ABCA13: variants seen among roughly 807,000 people sequenced by gnomAD.
ABCA13 encodes the protein ATP binding cassette subfamily A member 13.
ABCA13 carries 476 observed loss-of-function variants against 478.7 expected under a neutral mutation model. The observed-to-expected ratio is 0.99, with a 90% confidence interval of 0.92 to 1.07. The LOEUF (loss-of-function observed/expected upper bound fraction) is 1.07, where lower values mean the gene tolerates loss of function less well. Among genes scored for constraint, ABCA13 ranks in the 50% least tolerant of loss-of-function variants. ABCA13 has a pLI of 0.00. For missense variants in ABCA13, 6,060 were observed against 5,910.6 expected (o/e 1.03, Z -0.83); for synonymous variants, 2,252 against 2,158.9 (o/e 1.04, Z -1.20).
At chr7:48,181,144 A>AGT (rs2128870496) in intron 1 of ABCA13, among the ~76,000 whole-genome samples, 1 of 152,286 alleles carries the variant, frequency 6.6e-6, no homozygotes, top group South Asian at 2.1e-4. Context: ...TCCTTGACTC[A>AGT]GTGTGGTCTG....
intron 35 of ABCA13, among the ~76,000 whole-genome samples, chr7:48,384,534 G>C (rs1158581864): frequency 2.0e-5 from 3 of 152,224 alleles, no homozygotes; most frequent in Non-Finnish European, 4.4e-5. Flanking sequence ...GGTGGTCACA[G>C]GACTGTGTGA....
intron 1 of ABCA13, among the ~76,000 whole-genome samples, chr7:48,185,077 A>G (rs912139839): frequency 6.6e-6 from 1 of 152,112 alleles, no homozygotes; most frequent in African/African-American, 2.4e-5. Flanking sequence ...TCTCATATTT[A>G]GAGTTTTTTA....
At chr7:48,383,687 G>T (rs1814743673) in intron 35 of ABCA13, among the ~76,000 whole-genome samples, 1 of 152,146 alleles carries the variant, frequency 6.6e-6, no homozygotes, top group Non-Finnish European at 1.5e-5. Flanking sequence ...TGTTTGAAAA[G>T]TTTATAGAGA....
At chr7:48,483,917 G>A (rs761527802) in intron 47 of ABCA13, among the ~76,000 whole-genome samples, 9 of 152,174 alleles carry the variant, frequency 5.9e-5, no homozygotes, top group South Asian at 4.1e-4. Context: ...AGTCCACTGC[G>A]GGAGAGTGAG....
chr7:48,570,662 A>G (rs945174831), intron 55 of ABCA13, among the ~76,000 whole-genome samples: 3 of 152,050 alleles, frequency 2.0e-5, no homozygotes, highest in African/African-American at 7.2e-5. Context: ...CTTTGATTCT[A>G]AAGTGTATAT....
At chr7:48,506,668 C>T (rs191132279) in intron 49 of ABCA13, among the ~76,000 whole-genome samples, 2 of 152,204 alleles carry the variant, frequency 1.3e-5, no homozygotes, top group African/African-American at 4.8e-5. Context: ...TTACCAGAAA[C>T]TTATGGGACT....
intron 55 of ABCA13, among the ~76,000 whole-genome samples, chr7:48,557,114 A>G (rs897924198): frequency 6.6e-6 from 1 of 151,888 alleles, no homozygotes; most frequent in Non-Finnish European, 1.5e-5. Flanking sequence ...CAGCTTCTTA[A>G]CTTTTTTTGT....
At chr7:48,232,164 T>TTTTTTTTTTTG (rs1554360466) in intron 7 of ABCA13, among the ~76,000 whole-genome samples, 2 of 132,906 alleles carry the variant, frequency 1.5e-5, no homozygotes, top group South Asian at 2.5e-4. Flanking sequence ...TTTTTTTTTT[T>TTTTTTTTTTTG]AGCTTTCTGT....
chr7:48,336,359 C>T (rs991322002), intron 28 of ABCA13, among the ~76,000 whole-genome samples: 1 of 152,046 alleles, frequency 6.6e-6, no homozygotes, highest in Non-Finnish European at 1.5e-5. Context: ...ATTACATGTG[C>T]AATAATTTTA....
At chr7:48,230,551 A>C (rs1788897692) in intron 7 of ABCA13, among the ~76,000 whole-genome samples, 1 of 152,172 alleles carries the variant, frequency 6.6e-6, no homozygotes, top group Non-Finnish European at 1.5e-5. Context: ...CAGTGAGAGA[A>C]CAACAAAGTT....
chr7:48,229,700 G>C (rs1788767329), intron 6 of ABCA13, 125 bp from the exon 7 acceptor site: 1 of 1,093,284 alleles, frequency 9.1e-7, no homozygotes, highest in South Asian at 1.5e-5. Flanking sequence ...ACATGTAAAT[G>C]GTCCAGCCAC....
chr7:48,575,757 A>C (rs1284947429), intron 55 of ABCA13, among the ~76,000 whole-genome samples: 2 of 152,206 alleles, frequency 1.3e-5, no homozygotes, highest in Non-Finnish European at 2.9e-5. Context: ...AAGAGCTTGC[A>C]AGTTGTCACT....
At chr7:48,332,755 A>G (rs1291910316) in intron 27 of ABCA13, among the ~76,000 whole-genome samples, 1 of 152,220 alleles carries the variant, frequency 6.6e-6, no homozygotes, top group Non-Finnish European at 1.5e-5. Flanking sequence ...GTCGTGATAA[A>G]TGTTAGGCTA....
At chr7:48,440,899 C>G (rs966072628) in intron 42 of ABCA13, among the ~76,000 whole-genome samples, 2 of 151,540 alleles carry the variant, frequency 1.3e-5, no homozygotes, top group Admixed American at 6.6e-5. Context: ...AAGAAAGAAC[C>G]CTGAAGAAAG....
chr7:48,422,294 T>A (rs1023794886), intron 41 of ABCA13, among the ~76,000 whole-genome samples: 6 of 152,100 alleles, frequency 3.9e-5, no homozygotes, highest in Non-Finnish European at 8.8e-5. Flanking sequence ...AACAGTCTCA[T>A]GGTCTAAGCA....
At position 48,241,045 on chromosome 7, in the gene ABCA13, A is replaced by T. The variant is rs770098981; in HGVS notation, c.1241A>T (p.Asp414Val). Residue 414 changes from aspartate to valine, a missense_variant, in exon 10 of 62, where the codon GAT (aspartate) becomes GTT (valine). Around this residue, in one of 3 missense-constraint regions of ABCA13, gnomAD observed 4,423 missense variants for 4,309.1 expected, o/e 1.03. Coordinates refer to ENST00000435803, the MANE Select transcript of ABCA13 (RefSeq NM_152701.5). ...AGCTTGTCAGCAGATGGCCCAAAAGATAATCATACATTTCCAAAGATGTAA... is the reference window on the plus strand; with the variant it reads ...AGCTTGTCAGCAGATGGCCCAAAAGTTAATCATACATTTCCAAAGATGTAA... Reference protein sequence around the residue: ...NDSLSADGPKDNHTFPKILQH... With the variant: ...NDSLSADGPKVNHTFPKILQH... The T allele has an allele frequency of 6.2e-6, 10 of 1,613,930 alleles. No homozygotes were observed. Among genetic ancestry groups the T allele is most frequent in the Non-Finnish European group, 8.5e-6 (10 of 1,179,894 alleles).
chr7:48,558,313 T>G (rs1468548295), intron 55 of ABCA13, among the ~76,000 whole-genome samples: 1 of 151,082 alleles, frequency 6.6e-6, no homozygotes, highest in Non-Finnish European at 1.5e-5. Flanking sequence ...TGGTGCAATC[T>G]TGGCTCACTG....
chr7:48,369,989 C>T (rs1585043894), intron 32 of ABCA13, among the ~76,000 whole-genome samples: 1 of 152,020 alleles, frequency 6.6e-6, no homozygotes, highest in African/African-American at 2.4e-5. Flanking sequence ...GCAGTATGGT[C>T]ATTTTCACAA....
chr7:48,370,042 G>GA (rs1563137474), intron 32 of ABCA13, among the ~76,000 whole-genome samples: 1 of 151,944 alleles, frequency 6.6e-6, no homozygotes, highest in African/African-American at 2.4e-5. Flanking sequence ...TGTTTCCTTT[G>GA]TTTGCGTCAT....
Sources: allele counts gnomAD v4.1 joint callset (sites outside exome capture counted in the v4.1 genomes callset), GRCh38; gene constraint gnomAD v4.1.1; regional missense constraint gnomAD v4.1.1; transcripts MANE v1.5; gene names NCBI Gene and HGNC (gene_info 2026-07-23, HGNC 2026-07-21).